NRG1: variants seen among roughly 807,000 people sequenced by gnomAD.
NRG1 encodes the protein pro-neuregulin-1, membrane-bound isoform.
NRG1 carries 18 observed loss-of-function variants against 63.8 expected under a neutral mutation model. That is an observed-to-expected ratio of 0.28 (90% CI 0.19 to 0.42). The LOEUF (loss-of-function observed/expected upper bound fraction) is 0.42, where lower values mean the gene tolerates loss of function less well. Ranked by LOEUF, NRG1 falls within the 10% of genes least tolerant of loss-of-function variation. The pLI is 1.00. For synonymous variants in NRG1, 302 were observed against 301.3 expected (o/e 1.00, Z -0.02); for missense variants, 762 against 814.7 (o/e 0.94, Z 0.79).
At chr8:31,662,004 C>A (rs924365716) in intron 1 of NRG1, among the ~76,000 whole-genome samples, 3 of 152,178 alleles carry the variant, frequency 2.0e-5, no homozygotes, top group Non-Finnish European at 2.9e-5. Context: ...TGAAAAGAGT[C>A]ATTTAAGGAT....
chr8:31,814,415 G>C (rs547536863), intron 1 of NRG1, among the ~76,000 whole-genome samples: 1 of 152,248 alleles, frequency 6.6e-6, no homozygotes, highest in African/African-American at 2.4e-5. Flanking sequence ...TTGTGCTATA[G>C]GGTGACTTGA....
intron 1 of NRG1, among the ~76,000 whole-genome samples, chr8:31,970,719 GTAGGACTGCT>G (rs942972852): frequency 6.6e-6 from 1 of 152,074 alleles, no homozygotes; most frequent in African/African-American, 2.4e-5. Flanking sequence ...AGGATGATAG[GTAGGACTGCT>G]GTACCCACAG....
intron 1 of NRG1, among the ~76,000 whole-genome samples, chr8:32,379,702 C>T (rs887145290): frequency 6.6e-6 from 1 of 152,148 alleles, no homozygotes; most frequent in Non-Finnish European, 1.5e-5. Flanking sequence ...CAAATCCTAT[C>T]AGTTGAGGGA....
chr8:31,838,024 T>A (rs1586732845), intron 1 of NRG1, among the ~76,000 whole-genome samples: 1 of 152,094 alleles, frequency 6.6e-6, no homozygotes, highest in Admixed American at 6.5e-5. Context: ...TCATATATTT[T>A]TAACATTTTG....
At chr8:32,650,862 T>C (rs901310066) in intron 5 of NRG1, among the ~76,000 whole-genome samples, 3 of 152,032 alleles carry the variant, frequency 2.0e-5, no homozygotes, top group African/African-American at 7.2e-5. Flanking sequence ...TATTCTCCCG[T>C]TTCCATTTTT....
At chr8:31,831,494 G>T (rs956219455) in intron 1 of NRG1, among the ~76,000 whole-genome samples, 4 of 152,160 alleles carry the variant, frequency 2.6e-5, no homozygotes, top group African/African-American at 9.7e-5. Flanking sequence ...GCTTCAAACA[G>T]TTCTTCCTGA....
At chr8:32,390,997 G>A (rs1384207569) in intron 1 of NRG1, among the ~76,000 whole-genome samples, 1 of 152,132 alleles carries the variant, frequency 6.6e-6, no homozygotes, top group Non-Finnish European at 1.5e-5. Context: ...GTGATGTCTG[G>A]TGACATTTTT....
chr8:32,459,749 A>C (rs1822084237), intron 1 of NRG1, among the ~76,000 whole-genome samples: 1 of 152,070 alleles, frequency 6.6e-6, no homozygotes, highest in African/African-American at 2.4e-5. Flanking sequence ...TCACTTTCCC[A>C]TTGTCTGTTA....
At chr8:32,554,986 C>T (rs769695806) in intron 1 of NRG1, among the ~76,000 whole-genome samples, 2 of 151,912 alleles carry the variant, frequency 1.3e-5, no homozygotes, top group South Asian at 4.2e-4. Flanking sequence ...AACAGAGTCC[C>T]GATTCCATAC....
intron 1 of NRG1, among the ~76,000 whole-genome samples, chr8:32,459,927 C>T (rs985876186): frequency 6.6e-6 from 1 of 152,202 alleles, no homozygotes; most frequent in African/African-American, 2.4e-5. Context: ...CTCATAGAGG[C>T]CTTCTCTCAC....
rs200816070 is a variant in NRG1, at chr8:32,304,024, C to CA, written c.38-291796dup. On this transcript the variant is annotated intron_variant, in intron 1 of 10. Transcript: ENST00000519301. ...TTTGTTAGGAAGGTAATGTTGACTA[C>CA]AAAAAAAACTCAGAATATCAGGATT... Among the ~76,000 whole-genome samples, 425 of 152,090 alleles carry CA rather than the reference C, an allele frequency of 2.8e-3. 2 individuals carry two copies. The highest frequency in any genetic ancestry group is 1.0e-2 in the African/African-American group (414 of 41,506).
intron 1 of NRG1, among the ~76,000 whole-genome samples, chr8:32,313,110 G>A (rs759109137): frequency 2.1e-4 from 32 of 152,166 alleles, no homozygotes; most frequent in Non-Finnish European, 2.2e-4. Flanking sequence ...AGCTGAGATC[G>A]TACCACTGCA....
chr8:32,402,073 G>A (rs536659411), intron 1 of NRG1, among the ~76,000 whole-genome samples: 1 of 152,196 alleles, frequency 6.6e-6, no homozygotes, highest in South Asian at 2.1e-4. Flanking sequence ...CACAACGCCA[G>A]GCTAATTTTT....
At chr8:31,750,687 A>T (rs920085971) in intron 1 of NRG1, among the ~76,000 whole-genome samples, 1 of 152,064 alleles carries the variant, frequency 6.6e-6, no homozygotes, top group East Asian at 1.9e-4. Context: ...ACAACAAGCC[A>T]CAAGTGACTA....
At chr8:32,713,424 A>G (rs963981510) in intron 5 of NRG1, among the ~76,000 whole-genome samples, 7 of 152,068 alleles carry the variant, frequency 4.6e-5, no homozygotes, top group Non-Finnish European at 8.8e-5. Context: ...ATTACGCCTT[A>G]TTTACCTTAC....
intron 1 of NRG1, among the ~76,000 whole-genome samples, chr8:32,005,182 G>A (rs117905594): frequency 0.014 from 2,164 of 151,950 alleles, 17 homozygotes; most frequent in Middle Eastern, 0.041. Flanking sequence ...CAAAACAGGC[G>A]AGGAATGATG....
chr8:31,883,106 A>C (rs1830473007), intron 1 of NRG1, among the ~76,000 whole-genome samples: 1 of 152,072 alleles, frequency 6.6e-6, no homozygotes, highest in Admixed American at 6.6e-5. Flanking sequence ...TAAAGCAGCA[A>C]ATTTCATTGT....
Position 32,511,454 on chromosome 8 carries a change from C to T in NRG1, c.38-84374C>T, listed in dbSNP as rs184495158. ...AGCCCTGAATCCCCACAGAAAACCC[C>T]GTCTGTCTTTAGTTTCATGAAAGCA... is the stretch of plus-strand genomic sequence containing the variant. On this transcript the variant is annotated intron_variant, in intron 1 of 10. Coordinates refer to the NRG1 transcript ENST00000519301. Among the ~76,000 whole-genome samples, 191 of 148,990 alleles carry T rather than the reference C, an allele frequency of 1.3e-3. 2 individuals carry two copies. The highest frequency in any genetic ancestry group is 4.2e-3 in the African/African-American group (172 of 40,652).
intron 6 of NRG1, among the ~76,000 whole-genome samples, chr8:32,729,972 T>C (rs1472266125): frequency 6.6e-6 from 1 of 151,768 alleles, no homozygotes; most frequent in East Asian, 1.9e-4. Flanking sequence ...GTTGTATAGC[T>C]GATTTTATCA....
Sources: allele counts gnomAD v4.1 joint callset (sites outside exome capture counted in the v4.1 genomes callset), GRCh38; gene constraint gnomAD v4.1.1; transcripts MANE v1.5; gene names NCBI Gene and HGNC (gene_info 2026-07-23, HGNC 2026-07-21).